Variants in GRIK4 observed in about 807,000 individuals in gnomAD.
GRIK4 encodes glutamate ionotropic receptor kainate type subunit 4.
In GRIK4, 40 loss-of-function variants were observed where a neutral mutation model predicts 104.9. The ratio of observed to expected loss-of-function variants is 0.38; its 90% CI spans 0.30 to 0.50. The LOEUF (loss-of-function observed/expected upper bound fraction) is 0.50. Among genes scored for constraint, GRIK4 ranks in the 20% least tolerant of loss-of-function variants. The pLI is 0.93. For synonymous variants in GRIK4, 485 were observed against 524.9 expected, an observed-to-expected ratio of 0.92 and a Z score of 1.04; for missense variants, 1,047 against 1,308.1, an observed-to-expected ratio of 0.80 and a Z score of 3.08.
intron 8 of GRIK4, among the ~76,000 whole-genome samples, chr11:120,845,324 G>C (rs1326088613): frequency 1.3e-5 from 2 of 152,162 alleles, no homozygotes; most frequent in African/African-American, 4.8e-5. Flanking sequence ...TTTCCCTCTT[G>C]TAAAATGGAG....
At chr11:120,617,638 G>A (rs10892588) in intron 1 of GRIK4, among the ~76,000 whole-genome samples, 62,121 of 151,914 alleles carry the variant, frequency 0.41, 12,910 homozygotes, top group Admixed American at 0.5. Context: ...TTCCCTCTTC[G>A]TGCTGTTCTT....
chr11:120,655,163 G>C (rs1267791249), intron 2 of GRIK4, among the ~76,000 whole-genome samples: 2 of 151,976 alleles, frequency 1.3e-5, no homozygotes, highest in Non-Finnish European at 2.9e-5. Context: ...TCATAGGTAG[G>C]ATGTGTGTCC....
intron 1 of GRIK4, among the ~76,000 whole-genome samples, chr11:120,617,878 A>C (rs1180727210): frequency 6.6e-6 from 1 of 152,174 alleles, no homozygotes; most frequent in South Asian, 2.1e-4. Context: ...CCAGTCTCAA[A>C]TATTTCTTTA....
chr11:120,961,372 C>A (rs1591336478), intron 17 of GRIK4, among the ~76,000 whole-genome samples: 1 of 151,740 alleles, frequency 6.6e-6, no homozygotes, highest in Admixed American at 6.6e-5. Context: ...ATATTAATGG[C>A]CATTAGAAAA....
At position 120,967,973 on chromosome 11, in the gene GRIK4, T is replaced by C. The variant is rs1944412794; in HGVS notation, c.2395+650T>C. Among the ~76,000 whole-genome samples, 1 of 152,168 alleles carries C rather than the reference T, an allele frequency of 6.6e-6. No homozygotes were observed. The highest frequency in any genetic ancestry group is 1.5e-5 in the Non-Finnish European group (1 of 68,036). On this transcript the variant is annotated intron_variant, in intron 19 of 20. Transcript: ENST00000527524. This position sits in a 1 kb window ranked among gnomAD's most constrained non-coding sequence, Gnocchi z 4.2. ...CCTTAACCCCACCTTATTTCCCTTC[T>C]CAGACCTCATCGCTACCTGATATTA...
intron 1 of GRIK4, among the ~76,000 whole-genome samples, chr11:120,519,046 C>A (rs76642128): frequency 6.6e-6 from 1 of 152,106 alleles, no homozygotes; most frequent in Non-Finnish European, 1.5e-5. Flanking sequence ...ACTAAGCAGG[C>A]GGATGATTTT....
chr11:120,886,784 G>A (rs781389451), intron 11 of GRIK4, among the ~76,000 whole-genome samples: 11 of 152,176 alleles, frequency 7.2e-5, no homozygotes, highest in Non-Finnish European at 1.3e-4. Context: ...TCACTGCCCC[G>A]TACTCCTGCT....
At chr11:120,614,164 C>A (rs1024381854) in intron 1 of GRIK4, among the ~76,000 whole-genome samples, 1 of 152,194 alleles carries the variant, frequency 6.6e-6, no homozygotes, top group African/African-American at 2.4e-5. Flanking sequence ...GGCGTGGCTC[C>A]CCCAGAAACA....
chr11:120,781,020 G>T (rs1277113359), intron 3 of GRIK4, among the ~76,000 whole-genome samples: 1 of 152,136 alleles, frequency 6.6e-6, no homozygotes, highest in Non-Finnish European at 1.5e-5. Flanking sequence ...GGGATTACAG[G>T]CATGAGCCAC....
chr11:120,619,876 CT>C (rs60138020), intron 1 of GRIK4: 13,467 of 198,588 alleles, frequency 0.068, 3 homozygotes, highest in Middle Eastern at 0.13. Context: ...TCTGCTATTT[CT>C]TTTTTTTTTT....
chr11:120,727,770 A>G (rs1278472365), intron 3 of GRIK4, among the ~76,000 whole-genome samples: 4 of 152,136 alleles, frequency 2.6e-5, no homozygotes, highest in Admixed American at 2.0e-4. Context: ...AAGGAAAAAC[A>G]TTATTTTATA....
chr11:120,582,513 C>A (rs776439497), intron 1 of GRIK4, among the ~76,000 whole-genome samples: 1 of 152,060 alleles, frequency 6.6e-6, no homozygotes, highest in Non-Finnish European at 1.5e-5. Flanking sequence ...TTCTTTGTGT[C>A]CATGTGTATT....
chr11:120,973,806 C>T (rs562348382), intron 19 of GRIK4, among the ~76,000 whole-genome samples: 1 of 152,348 alleles, frequency 6.6e-6, no homozygotes, highest in Non-Finnish European at 1.5e-5. Flanking sequence ...ATTGCTTGGT[C>T]TCTCTCTGAT....
intron 3 of GRIK4, among the ~76,000 whole-genome samples, chr11:120,799,952 A>G (rs1288124083): frequency 1.3e-5 from 2 of 151,258 alleles, no homozygotes; most frequent in South Asian, 2.1e-4. Flanking sequence ...GGTTCAAGCA[A>G]TTCTCCTGCC....
At chr11:120,694,605 G>T (rs778425618) in intron 3 of GRIK4, among the ~76,000 whole-genome samples, 8 of 152,022 alleles carry the variant, frequency 5.3e-5, no homozygotes, top group Non-Finnish European at 1.2e-4. Flanking sequence ...CCAGAAATGT[G>T]CCAGCTTCCT....
At chr11:120,522,368 C>G (rs1333445442) in intron 1 of GRIK4, among the ~76,000 whole-genome samples, 1 of 151,996 alleles carries the variant, frequency 6.6e-6, no homozygotes, top group African/African-American at 2.4e-5. Context: ...GTTGCCCAGG[C>G]TGGAGTGCCG....
chr11:120,822,634 G>C (rs1953156928), intron 6 of GRIK4, among the ~76,000 whole-genome samples: 1 of 152,220 alleles, frequency 6.6e-6, no homozygotes, highest in Non-Finnish European at 1.5e-5. Flanking sequence ...CACGTGGCTG[G>C]TGGCTGCTGT....
intron 3 of GRIK4, among the ~76,000 whole-genome samples, chr11:120,728,957 C>T (rs112473235): frequency 0.045 from 6,833 of 152,280 alleles, 258 homozygotes; most frequent in Middle Eastern, 0.075. Flanking sequence ...TACTCTCTTT[C>T]TCCATGAGTT....
chr11:120,758,960 C>G (rs144005659), intron 3 of GRIK4, among the ~76,000 whole-genome samples: 1 of 152,184 alleles, frequency 6.6e-6, no homozygotes, highest in African/African-American at 2.4e-5. Context: ...GGCTTATATC[C>G]AAGACTAGCA....
Sources: gnomAD v4.1 joint callset for allele counts (sites outside exome capture counted in the v4.1 genomes callset) on GRCh38, gnomAD v4.1.1 for gene constraint, Gnocchi (gnomAD v3.1) non-coding constraint, MANE v1.5 for transcripts, NCBI Gene and HGNC (gene_info 2026-07-23, HGNC 2026-07-21) for gene names.